The following CERS6 variants were observed in gnomAD, a reference collection of about 807,000 sequenced individuals.
CERS6 encodes the protein ceramide synthase 6, also known as LAG1 homolog, ceramide synthase 6.
In CERS6, 26 loss-of-function variants were observed where a neutral mutation model predicts 56.8. The observed-to-expected ratio is 0.46, with a 90% CI of 0.34 to 0.63. The LOEUF (loss-of-function observed/expected upper bound fraction) is 0.63. Among genes scored for constraint, CERS6 ranks in the 30% least tolerant of loss-of-function variants. The pLI is 0.01. For synonymous variants in CERS6, 164 were observed against 173.3 expected (o/e 0.95, Z 0.42); for missense variants, 415 against 467.5 (o/e 0.89, Z 1.04).
intron 1 of CERS6, among the ~76,000 whole-genome samples, chr2:168,494,491 A>G (rs1190085535): frequency 6.6e-6 from 1 of 152,176 alleles, no homozygotes; most frequent in African/African-American, 2.4e-5. Flanking sequence ...ATTAAAACAT[A>G]TATCTAACAC....
chr2:168,459,605 AATTG>A (rs1693741857), intron 1 of CERS6, among the ~76,000 whole-genome samples: 1 of 151,890 alleles, frequency 6.6e-6, no homozygotes, highest in Non-Finnish European at 1.5e-5. Context: ...TGTAGCGACC[AATTG>A]ATTGACAGAG....
chr2:168,714,825 C>A lies in CERS6; in HGVS notation c.610-176C>A, dbSNP rs150365971. Among the ~76,000 whole-genome samples, 20 of 152,260 alleles carry A rather than the reference C, an allele frequency of 1.3e-4. No homozygotes were observed. In the East Asian group the frequency reaches 3.7e-3, roughly 28 times the overall value. On this transcript the variant is annotated intron_variant, in intron 6 of 9. Transcript: ENST00000305747. ...GGGCTTCCACTGATCTCCTATGTGT[C>A]TCTCCCAACACGTGATGGACTCCTG...
At chr2:168,479,408 A>C (rs951109831) in intron 1 of CERS6, among the ~76,000 whole-genome samples, 19 of 152,150 alleles carry the variant, frequency 1.2e-4, no homozygotes, top group Admixed American at 1.2e-3. Context: ...TAAATTACAG[A>C]CTTTATTTTC....
chr2:168,766,439 C>G, intron 9 of CERS6: 1 of 1,111,302 alleles, frequency 9.0e-7, no homozygotes, highest in Non-Finnish European at 1.4e-6. Context: ...GCATATTGTT[C>G]TGTCTAACCT....
intron 3 of CERS6, among the ~76,000 whole-genome samples, chr2:168,578,560 C>T (rs189104827): frequency 6.6e-6 from 1 of 152,062 alleles, no homozygotes; most frequent in African/African-American, 2.4e-5. Context: ...TTTCAGGAAG[C>T]ACATCCAGAT....
At chr2:168,502,596 A>T (rs1404463032) in intron 1 of CERS6, among the ~76,000 whole-genome samples, 1 of 152,188 alleles carries the variant, frequency 6.6e-6, no homozygotes, top group Non-Finnish European at 1.5e-5. Flanking sequence ...GCCAAAACAA[A>T]ATCTTTGTTT....
intron 4 of CERS6, among the ~76,000 whole-genome samples, chr2:168,678,456 G>C (rs1212816414): frequency 1.3e-5 from 2 of 152,142 alleles, no homozygotes; most frequent in Admixed American, 1.3e-4. Context: ...CATTACCTTG[G>C]AACAAGGGAA....
intron 1 of CERS6, among the ~76,000 whole-genome samples, chr2:168,457,395 A>G (rs1693692143): frequency 1.3e-5 from 2 of 152,142 alleles, no homozygotes; most frequent in African/African-American, 2.4e-5. Context: ...ATGCAATTGT[A>G]TAGTTCCTCG....
intron 4 of CERS6, among the ~76,000 whole-genome samples, chr2:168,657,433 C>G (rs577339125): frequency 6.6e-6 from 1 of 152,252 alleles, no homozygotes; most frequent in Non-Finnish European, 1.5e-5. Flanking sequence ...CTGCGCCATG[C>G]GCTCGCATTC....
intron 1 of CERS6, among the ~76,000 whole-genome samples, chr2:168,508,860 T>TA (rs1220415370): frequency 2.6e-5 from 4 of 152,172 alleles, no homozygotes. Flanking sequence ...TAAAGTATAA[T>TA]AAAAATAAAT....
chr2:168,561,188 A>G lies in CERS6; in HGVS notation c.277-4A>G, dbSNP rs183059178. The G allele has an allele frequency of 1.1e-4, 178 of 1,613,866 alleles. No individual in the cohort carries two copies. The highest frequency in any genetic ancestry group is 2.5e-4 in the Admixed American group (15 of 59,996). ...AATTATTTTTCTGGTACCTTGTTTC[A>G]TAGCATCCTGATGAAAAGAGATTGG... On this transcript the variant is annotated splice_polypyrimidine_tract_variant and splice_region_variant and intron_variant, in intron 2 of 9. Coordinates refer to ENST00000305747, the MANE Select transcript of CERS6 (RefSeq NM_203463.3).
chr2:168,495,234 C>T lies in CERS6; in HGVS notation c.170+38616C>T, dbSNP rs1475437768. On this transcript the variant is annotated intron_variant, in intron 1 of 9. Transcript: ENST00000305747. ...CATTAATAGCAGTTTATTGATAGAG[C>T]GATGGAAGCGGTGAGGAGTATGTTA... Among the ~76,000 whole-genome samples, 5 of 152,144 alleles carry T rather than the reference C, an allele frequency of 3.3e-5. 1 individual carries two copies. The highest frequency in any genetic ancestry group is 2.4e-5 in the African/African-American group (1 of 41,410).
At chr2:168,678,714 C>G (rs1686133706) in intron 4 of CERS6, among the ~76,000 whole-genome samples, 1 of 152,136 alleles carries the variant, frequency 6.6e-6, no homozygotes, top group Non-Finnish European at 1.5e-5. Context: ...GCTCTTTAGA[C>G]AGACCTTTGT....
At chr2:168,597,200 C>G (rs76360850) in intron 3 of CERS6, among the ~76,000 whole-genome samples, 4,551 of 152,276 alleles carry the variant, frequency 0.03, 203 homozygotes, top group African/African-American at 0.098. Context: ...TTGGAGGGAA[C>G]TTACATACAG....
At chr2:168,680,844 G>A (rs550853107) in intron 4 of CERS6, among the ~76,000 whole-genome samples, 1 of 152,324 alleles carries the variant, frequency 6.6e-6, no homozygotes, top group Admixed American at 6.5e-5. Context: ...ATAAATTTCT[G>A]TTCTTTACAA....
rs74642875 is a variant in CERS6, at chr2:168,766,514, A to T, written c.1002+766A>T. Among the ~76,000 whole-genome samples the T allele has an allele frequency of 9.5e-3, 1,440 of 152,336 alleles. 24 individuals carry two copies. The highest frequency in any genetic ancestry group is 0.032 in the African/African-American group (1,347 of 41,566). ...GTGAACTGCAAGAGACACTAGAGAC[A>T]GCTCTGTTAGGGCCCTTTGGTGTGA... On this transcript the variant is annotated intron_variant, in intron 9 of 9. Transcript: ENST00000305747.
intron 7 of CERS6, among the ~76,000 whole-genome samples, chr2:168,716,844 T>C (rs1240495406): frequency 2.6e-5 from 4 of 152,182 alleles, no homozygotes; most frequent in Non-Finnish European, 4.4e-5. Context: ...ATTCCTCTCA[T>C]AGCTTTGTGC....
At chr2:168,612,756 C>G (rs1684220512) in intron 3 of CERS6, among the ~76,000 whole-genome samples, 1 of 152,202 alleles carries the variant, frequency 6.6e-6, no homozygotes, top group South Asian at 2.1e-4. Context: ...GTGCCTTAGG[C>G]CATCTGTCTG....
intron 1 of CERS6, among the ~76,000 whole-genome samples, chr2:168,464,710 A>C (rs1037693503): frequency 1.3e-5 from 2 of 151,966 alleles, no homozygotes; most frequent in Non-Finnish European, 2.9e-5. Context: ...AAAAAAAAAA[A>C]AACTACTCTA....
Sources: gnomAD v4.1 joint callset for allele counts (sites outside exome capture counted in the v4.1 genomes callset) on GRCh38, gnomAD v4.1.1 for gene constraint, MANE v1.5 for transcripts, NCBI Gene and HGNC (gene_info 2026-07-23, HGNC 2026-07-21) for gene names.